Variants in KCNN2 observed in about 807,000 individuals in gnomAD.
KCNN2 encodes the protein potassium calcium-activated channel subfamily N member 2.
In KCNN2, 24 loss-of-function variants were observed where a neutral mutation model predicts 55.5. The observed-to-expected ratio is 0.43, with a 90% CI of 0.31 to 0.61. The LOEUF (loss-of-function observed/expected upper bound fraction) is 0.61. Among genes scored for constraint, KCNN2 ranks in the 20% least tolerant of loss-of-function variants. The probability of loss-of-function intolerance (pLI) is 0.08; values close to 1 mark genes in which losing one functional copy is unlikely to be tolerated. For missense variants in KCNN2, 754 were observed against 853.6 expected, an observed-to-expected ratio of 0.88 and a Z score of 1.45; for synonymous variants, 431 against 336.1, an observed-to-expected ratio of 1.28 and a Z score of -3.09.
At chr5:114,126,430 T>C (rs1330356174) in intron 1 of KCNN2, among the ~76,000 whole-genome samples, 1 of 151,800 alleles carries the variant, frequency 6.6e-6, no homozygotes, top group East Asian at 2.0e-4. Flanking sequence ...GAAGAATGAG[T>C]GCCCAGTATA....
intron 1 of KCNN2, among the ~76,000 whole-genome samples, chr5:114,119,507 G>T (rs184143081): frequency 6.6e-6 from 1 of 152,152 alleles, no homozygotes; most frequent in Admixed American, 6.5e-5. Flanking sequence ...TTTAACCACC[G>T]TTATTTGGCA....
At chr5:114,462,363 T>C (rs189809559) in intron 3 of KCNN2, among the ~76,000 whole-genome samples, 2 of 152,220 alleles carry the variant, frequency 1.3e-5, no homozygotes, top group Non-Finnish European at 2.9e-5. Flanking sequence ...AAGTTCTTTG[T>C]GTATAACTGG....
intron 1 of KCNN2, among the ~76,000 whole-genome samples, chr5:114,076,471 C>T (rs1433364702): frequency 6.6e-6 from 1 of 152,158 alleles, no homozygotes; most frequent in African/African-American, 2.4e-5. Flanking sequence ...CCTTAAACAT[C>T]ATGTATTTCA....
chr5:114,171,286 C>A (rs927452538), intron 1 of KCNN2, among the ~76,000 whole-genome samples: 5 of 151,902 alleles, frequency 3.3e-5, no homozygotes, highest in African/African-American at 1.2e-4. Context: ...AAAACCTTTG[C>A]AGTTCTCTTA....
chr5:114,150,191 G>A (rs543286841), intron 1 of KCNN2, among the ~76,000 whole-genome samples: 16 of 152,270 alleles, frequency 1.1e-4, no homozygotes, highest in African/African-American at 3.6e-4. Context: ...ATTTCGTCTT[G>A]TATTCCGTAG....
At chr5:114,306,470 G>A (rs1185004936) in intron 2 of KCNN2, among the ~76,000 whole-genome samples, 1 of 152,106 alleles carries the variant, frequency 6.6e-6, no homozygotes, top group Non-Finnish European at 1.5e-5. Flanking sequence ...GAGGTGGGGT[G>A]GTTATAAGGC....
chr5:114,150,853 C>A (rs59828804), intron 1 of KCNN2, among the ~76,000 whole-genome samples: 54,558 of 151,974 alleles, frequency 0.36, 10,327 homozygotes, highest in East Asian at 0.71. Context: ...GAAACCTCAT[C>A]TCTACTAAAA....
intron 1 of KCNN2, among the ~76,000 whole-genome samples, chr5:114,074,521 C>T (rs908252275): frequency 1.4e-4 from 22 of 152,208 alleles, no homozygotes; most frequent in Middle Eastern, 3.4e-3. Flanking sequence ...CAATAGTGGA[C>T]CTTGCTCATT....
At chr5:114,094,742 A>T (rs1007304758) in intron 1 of KCNN2, among the ~76,000 whole-genome samples, 1 of 152,164 alleles carries the variant, frequency 6.6e-6, no homozygotes. Context: ...TATAAGATTG[A>T]AATCCTTCTA....
intron 2 of KCNN2, among the ~76,000 whole-genome samples, chr5:114,294,180 G>A (rs1247673707): frequency 6.6e-6 from 1 of 151,972 alleles, no homozygotes; most frequent in Non-Finnish European, 1.5e-5. Flanking sequence ...GGTTTTTTGT[G>A]TCTCTATTTC....
chr5:114,460,763 T>C (rs10519384), intron 3 of KCNN2, among the ~76,000 whole-genome samples: 142,808 of 152,258 alleles, frequency 0.94, 67,666 homozygotes, highest in East Asian at 1. Flanking sequence ...GCAAGTTAAG[T>C]TCTCTGAGTA....
At chr5:114,241,328 A>C (rs1754614426) in intron 2 of KCNN2, among the ~76,000 whole-genome samples, 1 of 151,930 alleles carries the variant, frequency 6.6e-6, no homozygotes, top group South Asian at 2.1e-4. Flanking sequence ...TAGTAGGATA[A>C]ATTTTGGAGA....
intron 7 of KCNN2, among the ~76,000 whole-genome samples, 188 bp downstream of exon 7, chr5:114,493,660 C>G (rs1046771652): frequency 6.6e-6 from 1 of 152,134 alleles, no homozygotes; most frequent in East Asian, 1.9e-4. Context: ...TGTACTCTTT[C>G]CCTATTACGT....
At chr5:114,082,332 A>G (rs183301371) in intron 1 of KCNN2, among the ~76,000 whole-genome samples, 187 of 152,214 alleles carry the variant, frequency 1.2e-3, no homozygotes, top group Admixed American at 2.2e-3. Flanking sequence ...TTTAAAAAAA[A>G]AAAAAAGAAA....
At chr5:114,272,666 C>T (rs1461084955) in intron 2 of KCNN2, among the ~76,000 whole-genome samples, 2 of 152,002 alleles carry the variant, frequency 1.3e-5, no homozygotes, top group Non-Finnish European at 2.9e-5. Flanking sequence ...GATTTTTTCT[C>T]TATGGCTTAT....
At chr5:114,481,532 GA>G (rs568134143) in intron 5 of KCNN2, among the ~76,000 whole-genome samples, 1 of 151,750 alleles carries the variant, frequency 6.6e-6, no homozygotes, top group Admixed American at 6.6e-5. Flanking sequence ...CACAGAATTA[GA>G]AAAAAAACTA....
chr5:114,095,027 G>A (rs1420070733), intron 1 of KCNN2, among the ~76,000 whole-genome samples: 1 of 151,988 alleles, frequency 6.6e-6, no homozygotes, highest in Non-Finnish European at 1.5e-5. Flanking sequence ...TATGCAATAT[G>A]CATGAGGCCT....
intron 4 of KCNN2, among the ~76,000 whole-genome samples, chr5:114,464,099 A>G (rs1054920640): frequency 6.6e-6 from 1 of 152,168 alleles, no homozygotes; most frequent in African/African-American, 2.4e-5. Flanking sequence ...GGCATGCCTC[A>G]TAGGCTCAGA....
intron 1 of KCNN2, among the ~76,000 whole-genome samples, chr5:114,190,872 G>A (rs1378043985): frequency 6.6e-6 from 1 of 152,088 alleles, no homozygotes; most frequent in Admixed American, 6.6e-5. Flanking sequence ...ATATTGATTG[G>A]GGAACGGTTA....
Sources: gnomAD v4.1 joint callset for allele counts (sites outside exome capture counted in the v4.1 genomes callset) on GRCh38, gnomAD v4.1.1 for gene constraint, MANE v1.5 for transcripts, NCBI Gene and HGNC (gene_info 2026-07-23, HGNC 2026-07-21) for gene names.